MAN1A2: variants seen among roughly 807,000 people sequenced by gnomAD.
MAN1A2 encodes the protein mannosyl-oligosaccharide 1,2-alpha-mannosidase IB.
A neutral mutation model predicts 75.7 loss-of-function variants in MAN1A2; 26 were observed. That is an observed-to-expected ratio of 0.34 (90% CI 0.25 to 0.48). The LOEUF (loss-of-function observed/expected upper bound fraction) is 0.48, where lower values mean the gene tolerates loss of function less well. MAN1A2 is among the 20% of genes least tolerant of loss of function. The probability of loss-of-function intolerance (pLI) is 0.99; values close to 1 mark genes in which losing one functional copy is unlikely to be tolerated. For missense variants in MAN1A2, 562 were observed against 775.5 expected (o/e 0.72, Z 3.27); for synonymous variants, 247 against 264.6 (o/e 0.93, Z 0.65).
intron 12 of MAN1A2, among the ~76,000 whole-genome samples, chr1:117,520,075 A>G (rs1570809560): frequency 6.6e-6 from 1 of 152,256 alleles, no homozygotes; most frequent in South Asian, 2.1e-4. Context: ...TAAAAATCAC[A>G]TGATCATCTC....
intron 8 of MAN1A2, among the ~76,000 whole-genome samples, chr1:117,490,939 T>G (rs1269329062): frequency 6.6e-6 from 1 of 150,578 alleles, no homozygotes; most frequent in Non-Finnish European, 1.5e-5. Flanking sequence ...CTAGCTCTCT[T>G]CAATTCTGTG....
At chr1:117,375,459 G>T (rs1198077711) in intron 1 of MAN1A2, among the ~76,000 whole-genome samples, 1 of 151,994 alleles carries the variant, frequency 6.6e-6, no homozygotes, top group African/African-American at 2.4e-5. Context: ...GTAATCTGGA[G>T]ATTACAAAGA....
At chr1:117,420,896 C>G (rs368311789) in intron 5 of MAN1A2, among the ~76,000 whole-genome samples, 1 of 151,954 alleles carries the variant, frequency 6.6e-6, no homozygotes, top group South Asian at 2.1e-4. Flanking sequence ...CAAGAGTGAT[C>G]CTTCTCCAGG....
chr1:117,460,114 GACC>G (rs1470854589), intron 6 of MAN1A2, among the ~76,000 whole-genome samples: 1 of 150,350 alleles, frequency 6.7e-6, no homozygotes, highest in Admixed American at 6.6e-5. Context: ...GATATGGAAA[GACC>G]ACCAACTTGC....
chr1:117,445,819 A>C (rs1192289238), intron 6 of MAN1A2, among the ~76,000 whole-genome samples: 2 of 141,992 alleles, frequency 1.4e-5, no homozygotes, highest in Non-Finnish European at 3.1e-5. Flanking sequence ...GAGCCACTGC[A>C]CCCTGCCCAA....
intron 12 of MAN1A2, among the ~76,000 whole-genome samples, chr1:117,505,153 A>G (rs887025714): frequency 2.0e-5 from 3 of 151,538 alleles, no homozygotes; most frequent in South Asian, 2.1e-4. Flanking sequence ...GCATTTGTCT[A>G]TTTTATATTT....
intron 6 of MAN1A2, among the ~76,000 whole-genome samples, chr1:117,452,858 A>T (rs1649466616): frequency 6.7e-6 from 1 of 149,508 alleles, no homozygotes; most frequent in Non-Finnish European, 1.5e-5. Context: ...CTGGAAGAAG[A>T]TGCCATCTCA....
At chr1:117,456,680 T>C (rs1441304168) in intron 6 of MAN1A2, among the ~76,000 whole-genome samples, 1 of 152,078 alleles carries the variant, frequency 6.6e-6, no homozygotes, top group Non-Finnish European at 1.5e-5. Context: ...CATATTAAAA[T>C]GTTTAAATAT....
Position 117,526,491 on chromosome 1 carries a change from C to G in MAN1A2, c.*3534C>G, listed in dbSNP as rs1183338939. The G allele has an allele frequency of 6.6e-6, 1 of 151,602 alleles. No homozygotes were observed. Among genetic ancestry groups the G allele is most frequent in the Non-Finnish European group, 1.5e-5 (1 of 67,750 alleles). The allele number at this position is 151,602 out of a possible 1,614,324, so 9.4% of individuals were successfully genotyped here. A position where few individuals can be genotyped will look rare whatever the true frequency, so the allele number is the denominator to read the frequency against. ...AATAACTAAAACCTCTTGAAAATGTCAAAGAAATACTTGATTTCTGATGCA... is the reference window on the plus strand; with the variant it reads ...AATAACTAAAACCTCTTGAAAATGTGAAAGAAATACTTGATTTCTGATGCA... On this transcript the variant is annotated 3_prime_UTR_variant, in exon 13 of 13. Coordinates refer to ENST00000356554, the MANE Select transcript of MAN1A2 (RefSeq NM_006699.5).
At position 117,466,447 on chromosome 1, in the gene MAN1A2, T is replaced by C. The variant is rs367684777; in HGVS notation, c.1168+20T>C. 31 of 1,444,280 alleles carry C rather than the reference T, an allele frequency of 2.1e-5. No homozygotes were observed. In the African/African-American group the frequency reaches 3.6e-4, roughly 17 times the overall value. The allele number at this position is 1,444,280 out of a possible 1,614,324, so 89.5% of individuals were successfully genotyped here. On this transcript the variant is annotated intron_variant, in intron 8 of 12. Coordinates refer to ENST00000356554, the MANE Select transcript of MAN1A2 (RefSeq NM_006699.5). ...GTCAGTGTAAGTATTCTAGTATACC[T>C]GAGGCTTTCTTAAAAAATTATTTGT... is the stretch of plus-strand genomic sequence containing the variant.
chr1:117,453,556 C>G (rs1363280997), intron 6 of MAN1A2, among the ~76,000 whole-genome samples: 4 of 152,024 alleles, frequency 2.6e-5, no homozygotes, highest in African/African-American at 7.3e-5. Flanking sequence ...GAAGATGGGA[C>G]CAAATTACTG....
chr1:117,496,773 A>G lies in MAN1A2; in HGVS notation c.1295A>G (p.Lys432Arg), dbSNP rs769080491. ...MYDDAIEAIE[K>R]HLIKKSRGGL... is the part of the protein sequence containing the mutation. ...TTTTCTTTCCTGTAGGCTATAGAAAAACATCTTATTAAGAAGTCTCGTGGA... is the reference window on the plus strand; with the variant it reads ...TTTTCTTTCCTGTAGGCTATAGAAAGACATCTTATTAAGAAGTCTCGTGGA... Residue 432 changes from lysine (K) to arginine (R), a missense_variant, in exon 10 of 13, where the codon AAA becomes AGA. By Grantham distance (26) the Lys-to-Arg change is conservative (BLOSUM62 2). Transcript: ENST00000356554. 1 of 1,610,352 alleles carries G rather than the reference A, an allele frequency of 6.2e-7. No individual in the cohort carries two copies. Among genetic ancestry groups the G allele is most frequent in the African/African-American group, 1.3e-5 (1 of 74,690 alleles).
chr1:117,488,492 G>A (rs374233360), intron 8 of MAN1A2, among the ~76,000 whole-genome samples: 30 of 152,046 alleles, frequency 2.0e-4, no homozygotes, highest in South Asian at 4.2e-4. Flanking sequence ...CACCATACCC[G>A]GCTGCAAATG....
chr1:117,462,222 C>T (rs1300361731), intron 7 of MAN1A2, among the ~76,000 whole-genome samples: 2 of 152,030 alleles, frequency 1.3e-5, no homozygotes, highest in African/African-American at 4.8e-5. Context: ...TAAAAATACC[C>T]TGTAACCCAG....
At chr1:117,490,064 G>T (rs1033473514) in intron 8 of MAN1A2, among the ~76,000 whole-genome samples, 10 of 151,822 alleles carry the variant, frequency 6.6e-5, no homozygotes, top group Middle Eastern at 3.2e-3. Flanking sequence ...GTGTCAAATT[G>T]GATAGGTTTA....
chr1:117,419,321 G>A (rs1029814317), intron 4 of MAN1A2, among the ~76,000 whole-genome samples: 1 of 152,008 alleles, frequency 6.6e-6, no homozygotes, highest in Non-Finnish European at 1.5e-5. Flanking sequence ...TGGTTGGAAG[G>A]TTATTGTTGC....
chr1:117,480,134 A>T (rs1234775778), intron 8 of MAN1A2, among the ~76,000 whole-genome samples: 1 of 151,850 alleles, frequency 6.6e-6, no homozygotes, highest in Admixed American at 6.6e-5. Flanking sequence ...CTTCACGTGC[A>T]AGTGCTGCTC....
chr1:117,428,013 A>T (rs892327395), intron 5 of MAN1A2, among the ~76,000 whole-genome samples: 16 of 152,220 alleles, frequency 1.1e-4, no homozygotes, highest in African/African-American at 3.9e-4. Context: ...AGTTAAGGAC[A>T]TAATTAATCC....
intron 8 of MAN1A2, among the ~76,000 whole-genome samples, chr1:117,484,614 T>C (rs1028813124): frequency 9.2e-5 from 14 of 152,122 alleles, no homozygotes; most frequent in African/African-American, 2.9e-4. Context: ...TTGAGTTCAC[T>C]GCATAGCAAA....
Sources: allele counts gnomAD v4.1 joint callset (sites outside exome capture counted in the v4.1 genomes callset), GRCh38; gene constraint gnomAD v4.1.1; transcripts MANE v1.5; gene names NCBI Gene and HGNC (gene_info 2026-07-23, HGNC 2026-07-21).